Variants in XRN1 observed in about 807,000 individuals in gnomAD.
The protein encoded by XRN1 is strand-exchange protein 1 homolog.
XRN1 carries 67 observed loss-of-function variants against 222.3 expected under a neutral mutation model. The ratio of observed to expected loss-of-function variants is 0.30; its 90% confidence interval spans 0.25 to 0.37. XRN1 has a LOEUF of 0.37. XRN1 is among the 10% of genes least tolerant of loss of function. The pLI, the probability that XRN1 is intolerant of heterozygous loss-of-function variation, is 1.00. For synonymous variants in XRN1, 643 were observed against 652.4 expected, an observed-to-expected ratio of 0.99 and a Z score of 0.22; for missense variants, 1,707 against 2,000.2, an observed-to-expected ratio of 0.85 and a Z score of 2.80.
Position 142,422,834 on chromosome 3 carries a change from C to T in XRN1, c.798+1G>A. 1 of 1,603,368 alleles carries T rather than the reference C, an allele frequency of 6.2e-7. No homozygotes were observed. The highest frequency in any genetic ancestry group is 8.5e-7 in the Non-Finnish European group (1 of 1,172,688). On this transcript the variant is annotated splice_donor_variant, in intron 7 of 40. Coordinates refer to ENST00000392981, the MANE Select transcript of XRN1 (RefSeq NM_001282857.2). LOFTEE classifies it high-confidence loss of function. ...TGGTCCATGGCTTTATTAATACTTA[C>T]TTTTAATACTGAAAACTCATAGTCA...
chr3:142,323,629 A>G (rs2065426769), intron 37 of XRN1, among the ~76,000 whole-genome samples: 1 of 152,210 alleles, frequency 6.6e-6, no homozygotes, highest in Non-Finnish European at 1.5e-5. Flanking sequence ...GACAGTATTA[A>G]GCAGACAGGA....
intron 22 of XRN1, among the ~76,000 whole-genome samples, chr3:142,380,737 C>G (rs2067277986): frequency 6.6e-6 from 1 of 151,818 alleles, no homozygotes. Flanking sequence ...TGCCGACTTG[C>G]TGCACTTGCC....
Position 142,406,740 on chromosome 3 carries a change from G to A in XRN1, c.1714-1664C>T, listed in dbSNP as rs575169235. On this transcript the variant is annotated intron_variant, in intron 15 of 40. Coordinates refer to ENST00000392981, the MANE Select transcript of XRN1 (RefSeq NM_001282857.2). The stretch of plus-strand genomic sequence containing the variant: ...GTTGGGTCTTGCTGTGTTGCCCAGG[G>A]TGGGCTTGAACTCCTGGGCTCAGGC... Among the ~76,000 whole-genome samples the A allele has an allele frequency of 5.9e-5, 9 of 151,988 alleles. No individual in the cohort carries two copies. The South Asian group carries it at 1.7e-3, about 28-fold the overall frequency.
intron 15 of XRN1, among the ~76,000 whole-genome samples, chr3:142,407,031 G>A (rs530082068): frequency 4.7e-4 from 71 of 152,280 alleles, no homozygotes; most frequent in Middle Eastern, 6.8e-3. Context: ...CAGTGAGAAC[G>A]CAAGCTTTTG....
intron 15 of XRN1, among the ~76,000 whole-genome samples, chr3:142,408,116 T>C (rs2068418857): frequency 6.6e-6 from 1 of 152,262 alleles, no homozygotes; most frequent in Non-Finnish European, 1.5e-5. Flanking sequence ...CTTGACTTTC[T>C]ATGCTACAGG....
chr3:142,387,545 C>T (rs531527254), intron 20 of XRN1, among the ~76,000 whole-genome samples: 6 of 152,270 alleles, frequency 3.9e-5, no homozygotes, highest in Admixed American at 3.9e-4. Context: ...TCCAGACCAC[C>T]ACAATAAAGT....
intron 22 of XRN1, among the ~76,000 whole-genome samples, chr3:142,381,870 T>G (rs937936500): frequency 2.0e-5 from 3 of 152,092 alleles, no homozygotes; most frequent in South Asian, 2.1e-4. Flanking sequence ...CCAGCCAACA[T>G]TGACATTTTG....
chr3:142,444,526 T>C (rs1429426361), intron 1 of XRN1, among the ~76,000 whole-genome samples: 1 of 152,086 alleles, frequency 6.6e-6, no homozygotes, highest in Non-Finnish European at 1.5e-5. Flanking sequence ...CAAGACTTGC[T>C]TGAACCGGGG....
chr3:142,341,604 T>TAA (rs2065996420), intron 33 of XRN1, among the ~76,000 whole-genome samples: 1 of 152,076 alleles, frequency 6.6e-6, no homozygotes, highest in Non-Finnish European at 1.5e-5. Context: ...GTCAATGAAC[T>TAA]AAACTCTAAT....
At chr3:142,354,889 A>G (rs912018889) in intron 32 of XRN1, among the ~76,000 whole-genome samples, 5 of 152,196 alleles carry the variant, frequency 3.3e-5, no homozygotes, top group African/African-American at 1.2e-4. Context: ...AATACTATGC[A>G]GTCATAAAAA....
In XRN1 at chr3:142,421,049, T is replaced by A. The variant is rs1283787881; in HGVS notation, c.1140A>T (p.Glu380Asp). 1 of 1,613,950 alleles carries A rather than the reference T, an allele frequency of 6.2e-7. No individual in the cohort carries two copies. Among genetic ancestry groups the A allele is most frequent in the Non-Finnish European group, 8.5e-7 (1 of 1,179,988 alleles). ...LNEAAGVAAE[E>D]ARNYKEKKKL... ...TTTTCTTTTCCTTGTAGTTCCTGGC[T>A]TCTTCTGCTGCGACACCTGCTGCTT... Residue 380 changes from glutamate (E) to aspartate (D), a missense_variant, in exon 10 of 41, where the codon GAA becomes GAT. Glu to Asp is a conservative substitution (Grantham distance 45, BLOSUM62 2). This residue lies in a region of XRN1 where 1,234 missense variants were observed against 1,518.2 expected (regional missense o/e 0.81). Coordinates refer to ENST00000392981, the MANE Select transcript of XRN1 (RefSeq NM_001282857.2).
intron 1 of XRN1, among the ~76,000 whole-genome samples, chr3:142,439,523 G>T (rs2070098406): frequency 1.3e-5 from 2 of 152,168 alleles, no homozygotes; most frequent in South Asian, 4.1e-4. Context: ...TGCCTTTCTG[G>T]ATAGACTAAG....
chr3:142,371,479 A>C, intron 25 of XRN1, 151 bp from the exon 26 acceptor site: 1 of 644,338 alleles, frequency 1.6e-6, no homozygotes, highest in Non-Finnish European at 2.6e-6. Flanking sequence ...AAGTGATAGA[A>C]AGTGTAAGAC....
At chr3:142,437,246 T>C (rs1275051722) in intron 1 of XRN1, among the ~76,000 whole-genome samples, 1 of 152,204 alleles carries the variant, frequency 6.6e-6, no homozygotes, top group Non-Finnish European at 1.5e-5. Context: ...ATCCAATTAG[T>C]CACTGAGGTA....
At chr3:142,422,948 A>T (rs377455721) in intron 6 of XRN1, 26 bp from the exon 7 acceptor site, 39 of 1,551,438 alleles carry the variant, frequency 2.5e-5, no homozygotes, top group Non-Finnish European at 3.3e-5. Context: ...TGATCAAGAT[A>T]CAGTGAATTT....
At position 142,359,912 on chromosome 3, in the gene XRN1, T is replaced by A. The variant is rs2066569744; in HGVS notation, c.3414A>T (p.Val1138=). ...GIKGANREAD[V]LFEVLFDEEF... ...CTTCATCAAATAATACTTCAAATAGTACATCGGCTTCTCTATTAGCTGTTA... is the reference window on the plus strand; with the variant it reads ...CTTCATCAAATAATACTTCAAATAGAACATCGGCTTCTCTATTAGCTGTTA... Residue 1138 remains valine, a synonymous_variant, in exon 30 of 41, where the codon GTA becomes GTT. Transcript: ENST00000392981. 1.2e-6 allele frequency: 2 copies of A among 1,603,838 alleles called. No homozygotes were observed. Among genetic ancestry groups the A allele is most frequent in the East Asian group, 2.3e-5 (1 of 44,330 alleles).
intron 20 of XRN1, among the ~76,000 whole-genome samples, chr3:142,385,802 C>T (rs1025728217): frequency 2.6e-5 from 4 of 151,840 alleles, no homozygotes; most frequent in African/African-American, 9.7e-5. Flanking sequence ...TTTTGTACTG[C>T]TTACTGAAGG....
chr3:142,421,391 C>A (rs962120058), intron 9 of XRN1, 85 bp downstream of exon 9: 2 of 1,103,860 alleles, frequency 1.8e-6, no homozygotes, highest in East Asian at 2.6e-5. Flanking sequence ...AATTATAAAA[C>A]CCCTTTCTTC....
At chr3:142,326,827 A>G (rs1017705619) in intron 37 of XRN1, among the ~76,000 whole-genome samples, 1 of 152,150 alleles carries the variant, frequency 6.6e-6, no homozygotes, top group Non-Finnish European at 1.5e-5. Flanking sequence ...AGCTGTTATC[A>G]CAAAGAGATG....
Sources: allele counts gnomAD v4.1 joint callset (sites outside exome capture counted in the v4.1 genomes callset), GRCh38; gene constraint gnomAD v4.1.1; regional missense constraint gnomAD v4.1.1; transcripts MANE v1.5; gene names NCBI Gene and HGNC (gene_info 2026-07-23, HGNC 2026-07-21).